MED23: variants seen among roughly 807,000 people sequenced by gnomAD.
MED23 encodes mediator of RNA polymerase II transcription subunit 23.
MED23 carries 105 observed loss-of-function variants against 163.9 expected under a neutral mutation model. The ratio of observed to expected loss-of-function variants is 0.64; its 90% CI spans 0.55 to 0.75. MED23 has a LOEUF of 0.75. MED23 is among the 30% of genes least tolerant of loss of function. The pLI is 0.00. For synonymous variants in MED23, 561 were observed against 565.6 expected (o/e 0.99, Z 0.12); for missense variants, 1,054 against 1,649.0 (o/e 0.64, Z 6.25).
intron 8 of MED23, 44 bp downstream of exon 8, chr6:131,619,783 T>C (rs777736023): frequency 7.2e-7 from 1 of 1,394,524 alleles, no homozygotes. Flanking sequence ...ATTAGATTAC[T>C]AAAAATCAGG....
chr6:131,620,730 C>T lies in MED23; in HGVS notation c.496-1G>A. ...TTCTTTCCAAGATATATGCTATAAC[C>T]TAAGAAAAACAAAAAGGCCACATCA... On this transcript the variant is annotated splice_acceptor_variant, in intron 6 of 28. Coordinates refer to ENST00000368068, the MANE Select transcript of MED23 (RefSeq NM_004830.4). LOFTEE classifies it high-confidence loss of function. 1 of 1,590,414 alleles carries T rather than the reference C, an allele frequency of 6.3e-7. No homozygotes were observed. The highest frequency in any genetic ancestry group is 8.6e-7 in the Non-Finnish European group (1 of 1,159,276).
intron 10 of MED23, among the ~76,000 whole-genome samples, chr6:131,615,086 GA>G (rs1014814556): frequency 1.8e-3 from 192 of 105,326 alleles, no homozygotes; most frequent in Middle Eastern, 6.4e-3. Flanking sequence ...AAAAAAAAAA[GA>G]AAAAAAAAGA....
chr6:131,574,842 G>T (rs1376687956), intron 30 of MED23, among the ~76,000 whole-genome samples: 1 of 152,088 alleles, frequency 6.6e-6, no homozygotes, highest in Non-Finnish European at 1.5e-5. Flanking sequence ...TTACAGTTGG[G>T]TTAAAAAAAA....
rs780319083 is a variant in MED23, at chr6:131,627,437, A to G, written c.118T>C (p.Cys40Arg). The G allele has an allele frequency of 1.9e-6, 3 of 1,613,840 alleles. No individual in the cohort carries two copies. The highest frequency in any genetic ancestry group is 8.5e-7 in the Non-Finnish European group (1 of 1,179,936). Residue 40 changes from cysteine (C) to arginine (R), a missense_variant, in exon 3 of 29, where the codon TGT becomes CGT. This residue lies in a region of MED23 where 227 missense variants were observed against 235.5 expected (regional missense o/e 0.96). Transcript: ENST00000368068. ...PEDEKTKLIS[C>R]LGAFRQFWGG... ...CAAAACTGTCTGAAGGCCCCCAAAC[A>G]GCTAATTAGTTTTGTTTTCTCATCT... is the stretch of plus-strand genomic sequence containing the variant.
intron 10 of MED23, among the ~76,000 whole-genome samples, chr6:131,610,465 A>C (rs2749925): frequency 5.3e-5 from 8 of 152,258 alleles, no homozygotes; most frequent in Non-Finnish European, 1.2e-4. Context: ...CCTACAAAAC[A>C]GACTTCCCAT....
chr6:131,588,503 T>TA (rs989310447), intron 28 of MED23, among the ~76,000 whole-genome samples: 5 of 152,170 alleles, frequency 3.3e-5, no homozygotes, highest in African/African-American at 7.2e-5. Flanking sequence ...ATACTTTTTT[T>TA]AAAAAAACAA....
chr6:131,600,230 G>A, intron 17 of MED23, 68 bp from the exon 18 acceptor site: 1 of 1,426,824 alleles, frequency 7.0e-7, no homozygotes, highest in Non-Finnish European at 9.8e-7. Flanking sequence ...AAAGATTATA[G>A]CGAAAATAAT....
rs1188871063 is a variant in MED23 at position 131,603,125 on chromosome 6, C to T, written c.1836G>A (p.Met612Ile). ...HTLLEMFSYRMHHIQPHYRVQ... is the reference protein window; with the variant it reads ...HTLLEMFSYRIHHIQPHYRVQ... ...CTCTGTAATGAGGCTGAATATGATG[C>T]ATCCGGTAGCTAAACATCTCAAGGA... Residue 612 changes from methionine to isoleucine, a missense_variant, in exon 16 of 29, where the codon ATG (methionine) becomes ATA (isoleucine). Coordinates refer to ENST00000368068, the MANE Select transcript of MED23 (RefSeq NM_004830.4). 3 of 1,613,784 alleles carry T rather than the reference C, an allele frequency of 1.9e-6. No individual in the cohort carries two copies. Among genetic ancestry groups the T allele is most frequent in the Non-Finnish European group, 2.5e-6 (3 of 1,179,878 alleles).
rs777075154 is a variant in MED23, at chr6:131,618,513, C to T, written c.674G>A (p.Cys225Tyr). 4 of 1,610,324 alleles carry T rather than the reference C, an allele frequency of 2.5e-6. No individual in the cohort carries two copies. Among genetic ancestry groups the T allele is most frequent in the Non-Finnish European group, 3.4e-6 (4 of 1,176,638 alleles). The change falls in exon 9 of 29, where the codon TGT becomes TAT. Residue 225 changes from cysteine to tyrosine, a missense_variant. Physicochemically the swap from Cys to Tyr is radical, Grantham distance 194 (BLOSUM62 -2). Transcript: ENST00000368068. ...ATTATTTACAACTGGCAGAAGACTA[C>T]AGCGACCTGTATGTATTACAAAAAT... ...TARINSICGR[C>Y]SLLPVVNNSG...
downstream of MED23, chr6:131,584,046 T>G: frequency 1.1e-6 from 1 of 943,108 alleles, no homozygotes; most frequent in Non-Finnish European, 1.5e-6. Flanking sequence ...ACTCTACAAA[T>G]TCCCTCTTGG....
chr6:131,627,350 G>T, intron 3 of MED23, 46 bp downstream of exon 3: 67 of 1,185,010 alleles, frequency 5.7e-5, no homozygotes, highest in Non-Finnish European at 7.3e-5. Flanking sequence ...AAAAAAAGAA[G>T]AGGCCAAAAA....
downstream of MED23, chr6:131,584,015 A>C (rs967511482): frequency 9.1e-5 from 119 of 1,312,974 alleles, 1 homozygote; most frequent in Admixed American, 2.2e-5. Flanking sequence ...TTTCAGAAAA[A>C]TGTTTTTCCA....
At chr6:131,581,328 A>AACTT (rs762633715) in intron 30 of MED23, 1 of 1,613,940 alleles carries the variant, frequency 6.2e-7, no homozygotes, top group Non-Finnish European at 8.5e-7. Flanking sequence ...CACAAGTGGA[A>AACTT]ACTTGCATGG....
chr6:131,583,413 C>T (rs765495464), downstream of MED23: 50 of 1,614,016 alleles, frequency 3.1e-5, no homozygotes, highest in Non-Finnish European at 4.0e-5. Context: ...ATCTTTCACA[C>T]CAGCTACTGG....
downstream of MED23, chr6:131,584,193 A>C: frequency 2.5e-6 from 1 of 407,456 alleles, no homozygotes; most frequent in South Asian, 2.5e-5. Context: ...ATTAAAAATA[A>C]GCACACTTAC....
intron 10 of MED23, among the ~76,000 whole-genome samples, chr6:131,614,396 C>T (rs1335089862): frequency 6.6e-6 from 1 of 152,030 alleles, no homozygotes; most frequent in Non-Finnish European, 1.5e-5. Flanking sequence ...CAAACAGTAA[C>T]GCTATTTTAT....
At chr6:131,599,972 G>A in intron 18 of MED23, 66 bp downstream of exon 18, 1 of 1,572,946 alleles carries the variant, frequency 6.4e-7, no homozygotes, top group Non-Finnish European at 8.7e-7. Flanking sequence ...ACTCACTCTA[G>A]AACACCATTG....
chr6:131,624,553 T>G (rs1010918563), intron 4 of MED23, among the ~76,000 whole-genome samples: 2 of 152,338 alleles, frequency 1.3e-5, no homozygotes, highest in Middle Eastern at 3.4e-3. Context: ...TGAATAATTT[T>G]AAAACCTGAG....
chr6:131,590,296 C>T (rs754630184), intron 27 of MED23, 26 bp downstream of exon 27: 5 of 1,602,816 alleles, frequency 3.1e-6, no homozygotes, highest in Non-Finnish European at 4.3e-6. Flanking sequence ...TTAATCATGT[C>T]ACAGGAAACC....
Sources: allele counts gnomAD v4.1 joint callset (sites outside exome capture counted in the v4.1 genomes callset), GRCh38; gene constraint gnomAD v4.1.1; regional missense constraint gnomAD v4.1.1; transcripts MANE v1.5; gene names NCBI Gene and HGNC (gene_info 2026-07-23, HGNC 2026-07-21).